ACOX3: variants seen among roughly 807,000 people sequenced by gnomAD.
ACOX3 encodes acyl-CoA oxidase 3, pristanoyl, also known as peroxisomal acyl-coenzyme A oxidase 3.
ACOX3 carries 73 observed loss-of-function variants against 81.5 expected under a neutral mutation model. The observed-to-expected ratio is 0.90, with a 90% confidence interval of 0.74 to 1.09. The LOEUF (loss-of-function observed/expected upper bound fraction) is 1.09, where lower values mean the gene tolerates loss of function less well. Ranked by LOEUF, ACOX3 falls within the 50% of genes least tolerant of loss-of-function variation. The pLI is 0.00. For synonymous variants in ACOX3, 387 were observed against 375.1 expected (o/e 1.03, Z -0.37); for missense variants, 947 against 928.0 (o/e 1.02, Z -0.27).
intron 17 of ACOX3, among the ~76,000 whole-genome samples, chr4:8,367,350 G>C (rs540702485): frequency 6.6e-6 from 1 of 152,036 alleles, no homozygotes; most frequent in Non-Finnish European, 1.5e-5. Context: ...AGGTGTGGTG[G>C]TGCATGCCTG....
At chr4:8,378,657 C>T (rs997384296) in intron 14 of ACOX3, among the ~76,000 whole-genome samples, 6 of 152,196 alleles carry the variant, frequency 3.9e-5, no homozygotes, top group East Asian at 1.9e-4. Flanking sequence ...GACGCCACCA[C>T]CCATCTTTTG....
chr4:8,411,200 G>A (rs1721685592), intron 5 of ACOX3, among the ~76,000 whole-genome samples: 1 of 152,220 alleles, frequency 6.6e-6, no homozygotes, highest in Non-Finnish European at 1.5e-5. Flanking sequence ...GGCCCACAGA[G>A]CTGCCCTGGG....
chr4:8,427,231 G>C (rs935319497), intron 1 of ACOX3, among the ~76,000 whole-genome samples: 5 of 152,320 alleles, frequency 3.3e-5, no homozygotes, highest in East Asian at 3.9e-4. Context: ...GAGAGCACAG[G>C]GGGAGGGACA....
chr4:8,362,375 T>C (rs1715246644), downstream of ACOX3, among the ~76,000 whole-genome samples: 1 of 152,276 alleles, frequency 6.6e-6, no homozygotes, highest in Admixed American at 6.5e-5. Context: ...GTACAGCTTT[T>C]AGCAATTGAG....
chr4:8,403,044 A>G (rs1319325046), intron 7 of ACOX3, among the ~76,000 whole-genome samples: 1 of 152,202 alleles, frequency 6.6e-6, no homozygotes, highest in East Asian at 1.9e-4. Context: ...AGCCCACCTT[A>G]AGAGTCTGGC....
Position 8,370,290 on chromosome 4 carries a change from C to G in ACOX3, c.1983+618G>C, listed in dbSNP as rs1716007766. On this transcript the variant is annotated intron_variant, in intron 17 of 17. Coordinates refer to ENST00000356406, the MANE Select transcript of ACOX3 (RefSeq NM_003501.3). This position sits in a 1 kb window ranked among gnomAD's most constrained non-coding sequence, Gnocchi z 6.3. ...GAAGGGCCTTGGAAGGATTCAGTGGCTGTGTGGGGCTGGGGCGTGGCAGGC... is the reference window on the plus strand; with the variant it reads ...GAAGGGCCTTGGAAGGATTCAGTGGGTGTGTGGGGCTGGGGCGTGGCAGGC... 6.6e-6 allele frequency among the ~76,000 whole-genome samples: 1 copy of G among 151,974 alleles called. No homozygotes were observed. Among genetic ancestry groups the G allele is most frequent in the Non-Finnish European group, 1.5e-5 (1 of 67,982 alleles).
chr4:8,415,870 T>C lies in ACOX3; in HGVS notation c.274A>G (p.Ser92Gly). 3 of 1,614,188 alleles carry C rather than the reference T, an allele frequency of 1.9e-6. No homozygotes were observed. The highest frequency in any genetic ancestry group is 2.5e-6 in the Non-Finnish European group (3 of 1,180,040). Residue 92 changes from serine to glycine, a missense_variant, in exon 3 of 18, where the codon AGT becomes GGT. By Grantham distance (56) the Ser-to-Gly change is moderately conservative. Transcript: ENST00000356406. ...GGGCTCTTGAACATGTCTTCGACAC[T>C]GAGGAAGTCATACTCGAAGATCCGC... is the stretch of plus-strand genomic sequence containing the variant. ...CKRIFEYDFL[S>G]VEDMFKSPLK...
rs553294975 is a variant in ACOX3 at position 8,399,438 on chromosome 4, G to A, written c.873+118C>T. 1.1e-5 allele frequency: 9 copies of A among 850,420 alleles called. No homozygotes were observed. Among genetic ancestry groups the A allele is most frequent in the East Asian group, 2.6e-5 (1 of 38,702 alleles). The allele number at this position is 850,420 out of a possible 1,614,324, so 52.7% of individuals were successfully genotyped here. A position where few individuals can be genotyped will look rare whatever the true frequency, so the allele number is the denominator to read the frequency against. Reference sequence around the variant, plus strand: ...CGAGCCAGGAGAAGTATGCCCCAGCGACACCTGGCCTACGTGGAGGGGTCT... The same window carrying A: ...CGAGCCAGGAGAAGTATGCCCCAGCAACACCTGGCCTACGTGGAGGGGTCT... On this transcript the variant is annotated intron_variant, in intron 8 of 17. Coordinates refer to ENST00000356406, the MANE Select transcript of ACOX3 (RefSeq NM_003501.3). The surrounding 1 kb of genome is among the most constrained non-coding windows in gnomAD (Gnocchi z 4.9).
chr4:8,383,284 C>T (rs893485214), intron 13 of ACOX3, among the ~76,000 whole-genome samples: 9 of 152,242 alleles, frequency 5.9e-5, no homozygotes, highest in Non-Finnish European at 1.0e-4. Flanking sequence ...AGGCTCCCCT[C>T]GCCAAGTCCT....
downstream of ACOX3, among the ~76,000 whole-genome samples, chr4:8,365,748 T>C (rs375798446): frequency 1.5e-4 from 21 of 143,888 alleles, no homozygotes; most frequent in African/African-American, 5.3e-4. Flanking sequence ...GGGTGGGATG[T>C]GGTGGGGGGG....
intron 9 of ACOX3, among the ~76,000 whole-genome samples, chr4:8,395,213 G>T (rs905773554): frequency 3.2e-5 from 4 of 124,374 alleles, no homozygotes; most frequent in Non-Finnish European, 6.3e-5. Context: ...TTTTCACTTT[G>T]TCTGAAACAG....
At chr4:8,408,769 A>C (rs114508633) in intron 6 of ACOX3, among the ~76,000 whole-genome samples, 7 of 152,096 alleles carry the variant, frequency 4.6e-5, no homozygotes, top group African/African-American at 1.7e-4. Flanking sequence ...GCAGACCCCT[A>C]AATAGCTTCA....
In ACOX3 at chr4:8,384,073, C is replaced by T. The variant is rs146854899; in HGVS notation, c.1538-2466G>A. On this transcript the variant is annotated intron_variant, in intron 13 of 17. Transcript: ENST00000356406. The surrounding 1 kb of genome is among the most constrained non-coding windows in gnomAD (Gnocchi z 5.3). ...CACTGCCCCAGGAGGTGTCCCTCTG[C>T]GGTGGACACTTCACGGCAGTTACCC... 1.2e-3 allele frequency among the ~76,000 whole-genome samples: 178 copies of T among 152,314 alleles called. 1 individual carries two copies. The highest frequency in any genetic ancestry group is 2.9e-3 in the African/African-American group (119 of 41,570).
chr4:8,383,503 C>G (rs1717945936), intron 13 of ACOX3, among the ~76,000 whole-genome samples: 1 of 152,210 alleles, frequency 6.6e-6, no homozygotes, highest in Admixed American at 6.5e-5. Context: ...GAGGCAAAGG[C>G]TGGCATGATG....
chr4:8,366,952 C>T lies in ACOX3; in HGVS notation c.*9G>A. ...TTCATTAGACTTGGCTGAATGTGTG[C>T]CAGTCCCACTAGAGCTTCGATTTCA... On this transcript the variant is annotated 3_prime_UTR_variant, in exon 18 of 18. Coordinates refer to ENST00000356406, the MANE Select transcript of ACOX3 (RefSeq NM_003501.3). 1 of 1,613,308 alleles carries T rather than the reference C, an allele frequency of 6.2e-7. No individual in the cohort carries two copies. Among genetic ancestry groups the T allele is most frequent in the Admixed American group, 1.7e-5 (1 of 59,984 alleles).
At chr4:8,357,621 G>A in the ACOX3 span, 3 of 271,936 alleles carry the variant, frequency 1.1e-5, no homozygotes, top group Non-Finnish European at 2.2e-5. Context: ...ATTTTCAAAT[G>A]TTTTATTTTC....
Position 8,414,707 on chromosome 4 carries a change from T to C in ACOX3, c.453+147A>G. The C allele has an allele frequency of 1.3e-6, 1 of 757,144 alleles. No homozygotes were observed. Among genetic ancestry groups the C allele is most frequent in the Non-Finnish European group, 2.2e-6 (1 of 449,352 alleles). The allele number at this position is 757,144 out of a possible 1,614,324, so 46.9% of individuals were successfully genotyped here. A position where few individuals can be genotyped will look rare whatever the true frequency, so the allele number is the denominator to read the frequency against. On this transcript the variant is annotated intron_variant, in intron 4 of 17. Transcript: ENST00000356406. This position sits in a 1 kb window ranked among gnomAD's most constrained non-coding sequence, Gnocchi z 6.1. ...GTGTTTGCTAAAGAACAGTGCTAGCTATTTGGTGAGAAGCCTGAGAACACT... is the reference window on the plus strand; with the variant it reads ...GTGTTTGCTAAAGAACAGTGCTAGCCATTTGGTGAGAAGCCTGAGAACACT...
intron 15 of ACOX3, chr4:8,373,953 T>G: frequency 2.7e-6 from 1 of 369,408 alleles, no homozygotes; most frequent in South Asian, 3.1e-5. Flanking sequence ...GGTTCCTTCC[T>G]CGGGAGAAAG....
rs1212240432 is a variant in ACOX3 at position 8,405,806 on chromosome 4, G to A, written c.776+149C>T. The A allele has an allele frequency of 8.8e-6, 7 of 798,412 alleles. No individual in the cohort carries two copies. The highest frequency in any genetic ancestry group is 7.8e-5 in the South Asian group (5 of 64,244). The allele number at this position is 798,412 out of a possible 1,614,324, so 49.5% of individuals were successfully genotyped here. A position where few individuals can be genotyped will look rare whatever the true frequency, so the allele number is the denominator to read the frequency against. On this transcript the variant is annotated intron_variant, in intron 7 of 17. Transcript: ENST00000356406. The surrounding 1 kb of genome is among the most constrained non-coding windows in gnomAD (Gnocchi z 7.1). ...TTCAAGCAGGACGTGGCCAGTGCAT[G>A]CACGGGGGCTAGGCGTAGGTCCCCA... is the stretch of plus-strand genomic sequence containing the variant.
Sources: allele counts gnomAD v4.1 joint callset (sites outside exome capture counted in the v4.1 genomes callset), GRCh38; gene constraint gnomAD v4.1.1; non-coding constraint Gnocchi (gnomAD v3.1); transcripts MANE v1.5; gene names NCBI Gene and HGNC (gene_info 2026-07-23, HGNC 2026-07-21).